P4HA1: variants seen among roughly 807,000 people sequenced by gnomAD.
The protein encoded by P4HA1 is prolyl 4-hydroxylase subunit alpha 1, also known as prolyl 4-hydroxylase subunit alpha-1.
A neutral mutation model predicts 72.8 loss-of-function variants in P4HA1; 24 were observed. The ratio of observed to expected loss-of-function variants is 0.33; its 90% CI spans 0.24 to 0.46. The LOEUF (loss-of-function observed/expected upper bound fraction) is 0.46, where lower values mean the gene tolerates loss of function less well. Among genes scored for constraint, P4HA1 ranks in the 20% least tolerant of loss-of-function variants. The pLI is 1.00. For synonymous variants in P4HA1, 201 were observed against 218.8 expected, an observed-to-expected ratio of 0.92 and a Z score of 0.72; for missense variants, 446 against 640.6, an observed-to-expected ratio of 0.70 and a Z score of 3.28.
intron 5 of P4HA1, chr10:73,065,505 T>C (rs1841399890): frequency 6.6e-6 from 1 of 152,164 alleles, no homozygotes; most frequent in Non-Finnish European, 1.5e-5. Context: ...CTTTTTTGTT[T>C]GAAGAAAATT....
Position 73,031,170 on chromosome 10 carries a change from T to G in P4HA1, c.1149-800A>C, listed in dbSNP as rs571849412. ...AACGTGATAGATCTATAAACTGGAA[T>G]ATTATTGTGTCACAAAAAGGAATAA... On this transcript the variant is annotated intron_variant, in intron 9 of 14. Coordinates refer to ENST00000394890, the MANE Select transcript of P4HA1 (RefSeq NM_001017962.3). Among the ~76,000 whole-genome samples the G allele has an allele frequency of 4.7e-4, 72 of 152,186 alleles. 1 individual carries two copies. Among genetic ancestry groups the G allele is most frequent in the Non-Finnish European group, 8.4e-4 (57 of 68,040 alleles).
intron 9 of P4HA1, among the ~76,000 whole-genome samples, chr10:73,039,652 C>A (rs1311509069): frequency 6.6e-6 from 1 of 151,940 alleles, no homozygotes; most frequent in Non-Finnish European, 1.5e-5. Context: ...AAATATTTTG[C>A]CAAAAAAATT....
intron 7 of P4HA1, among the ~76,000 whole-genome samples, chr10:73,050,672 C>A (rs1470967747): frequency 6.6e-6 from 1 of 151,112 alleles, no homozygotes; most frequent in Non-Finnish European, 1.5e-5. Flanking sequence ...TGCACTCTAG[C>A]CTGGGTGGCA....
At chr10:73,082,727 C>A (rs1408493792) in intron 1 of P4HA1, 6 of 151,690 alleles carry the variant, frequency 4.0e-5, no homozygotes, top group Non-Finnish European at 8.8e-5. Context: ...CATACAGATC[C>A]CTTATTCAAC....
intron 10 of P4HA1, among the ~76,000 whole-genome samples, chr10:73,027,453 T>TGG (rs1487391864): frequency 2.0e-5 from 1 of 49,074 alleles, no homozygotes; most frequent in African/African-American, 7.9e-5. Context: ...TGTCGGAGGG[T>TGG]GGGGGGCTGG....
At chr10:73,009,707 T>C (rs1839870830) in intron 14 of P4HA1, 100 bp downstream of exon 14, 1 of 634,524 alleles carries the variant, frequency 1.6e-6, no homozygotes, top group Non-Finnish European at 2.8e-6. Context: ...TAAAATCATA[T>C]TAAGCAAACA....
At chr10:73,030,415 C>G in intron 9 of P4HA1, 45 bp from the exon 10 acceptor site, 1 of 994,954 alleles carries the variant, frequency 1.0e-6, no homozygotes, top group Non-Finnish European at 1.5e-6. Context: ...TGTTTCATTA[C>G]ATGGAGACTA....
intron 1 of P4HA1, among the ~76,000 whole-genome samples, chr10:73,085,208 C>A (rs1409995321): frequency 6.6e-6 from 1 of 152,044 alleles, no homozygotes; most frequent in Non-Finnish European, 1.5e-5. Context: ...GCAATAGTTT[C>A]TTAGATATGA....
At chr10:73,069,825 G>A (rs967214639) in intron 4 of P4HA1, among the ~76,000 whole-genome samples, 3 of 86,408 alleles carry the variant, frequency 3.5e-5, no homozygotes, top group African/African-American at 1.8e-4. Flanking sequence ...TTTTTTTTTT[G>A]AGACAGTCTC....
intron 11 of P4HA1, 59 bp from the exon 12 acceptor site, chr10:73,014,348 A>C (rs1408323646): frequency 1.5e-5 from 18 of 1,213,270 alleles, no homozygotes; most frequent in Non-Finnish European, 1.2e-6. Context: ...CAAATACTCT[A>C]GTGGCAACTA....
At chr10:73,015,630 A>G (rs975559241) in intron 11 of P4HA1, among the ~76,000 whole-genome samples, 1 of 152,132 alleles carries the variant, frequency 6.6e-6, no homozygotes, top group Non-Finnish European at 1.5e-5. Flanking sequence ...GGAGATTTAG[A>G]GTTTATGCCA....
At chr10:73,028,811 A>C in intron 10 of P4HA1, among the ~76,000 whole-genome samples, 1 of 151,962 alleles carries the variant, frequency 6.6e-6, no homozygotes, top group Non-Finnish European at 1.5e-5. Flanking sequence ...TTGGGAGGCC[A>C]AGGCAGGCAG....
chr10:73,069,811 GTTTTT>G (rs765143260), intron 4 of P4HA1, among the ~76,000 whole-genome samples: 3 of 142,448 alleles, frequency 2.1e-5, no homozygotes, highest in African/African-American at 7.8e-5. Context: ...CAACTGTTTT[GTTTTT>G]TTTTTTTTGA....
chr10:73,024,413 A>C (rs1840215414), intron 10 of P4HA1, among the ~76,000 whole-genome samples: 1 of 152,250 alleles, frequency 6.6e-6, no homozygotes, highest in Non-Finnish European at 1.5e-5. Context: ...AACGAAATGA[A>C]GGCAGAAATA....
intron 9 of P4HA1, chr10:73,043,996 G>A (rs773886562): frequency 9.9e-6 from 15 of 1,509,280 alleles, no homozygotes; most frequent in Non-Finnish European, 1.4e-5. Context: ...TACTCCAGTA[G>A]CAGGCAATTT....
chr10:73,090,919 G>A (rs529583509), intron 1 of P4HA1, among the ~76,000 whole-genome samples: 187 of 151,656 alleles, frequency 1.2e-3, no homozygotes, highest in African/African-American at 4.5e-3. Flanking sequence ...AAAAGTAGTC[G>A]GGCGTGGTGG....
chr10:73,035,436 T>C lies in P4HA1; in HGVS notation c.1149-5066A>G, dbSNP rs981452319. ...CTACTTAGAGGCTGAGGCAGGAGGATTGCTTGAGCCCAGGAGTTCGAGGTT... is the reference window on the plus strand; with the variant it reads ...CTACTTAGAGGCTGAGGCAGGAGGACTGCTTGAGCCCAGGAGTTCGAGGTT... On this transcript the variant is annotated intron_variant, in intron 9 of 14. Transcript: ENST00000394890. Among the ~76,000 whole-genome samples, 8 of 152,160 alleles carry C rather than the reference T, an allele frequency of 5.3e-5. No individual in the cohort carries two copies. In the East Asian group the frequency reaches 5.8e-4, roughly 11 times the overall value.
intron 5 of P4HA1, among the ~76,000 whole-genome samples, chr10:73,059,579 T>A (rs1397959268): frequency 1.3e-5 from 2 of 148,920 alleles, no homozygotes; most frequent in East Asian, 4.0e-4. Context: ...CCATCTCTAC[T>A]AAAAATACAA....
At chr10:73,044,103 A>C in intron 9 of P4HA1, 2 of 500,582 alleles carry the variant, frequency 4.0e-6, no homozygotes, top group Non-Finnish European at 3.6e-6. Flanking sequence ...CCACAAAAAC[A>C]TTTAGAAAAG....
Sources: allele counts gnomAD v4.1 joint callset (sites outside exome capture counted in the v4.1 genomes callset), GRCh38; gene constraint gnomAD v4.1.1; transcripts MANE v1.5; gene names NCBI Gene and HGNC (gene_info 2026-07-23, HGNC 2026-07-21).